The following ANO10 variants were observed in gnomAD, a reference collection of about 807,000 sequenced individuals.
ANO10 encodes the protein anoctamin-10.
Under a neutral mutation model 74.7 loss-of-function variants are expected in ANO10, and 77 were observed. The ratio of observed to expected loss-of-function variants is 1.03; its 90% CI spans 0.86 to 1.25. The LOEUF (loss-of-function observed/expected upper bound fraction) is 1.25. Among genes scored for constraint, ANO10 ranks in the 50% most tolerant of loss-of-function variants. The pLI is 0.00. For synonymous variants in ANO10, 279 were observed against 284.9 expected (o/e 0.98, Z 0.21); for missense variants, 721 against 778.1 (o/e 0.93, Z 0.87).
chr3:43,397,865 A>C (rs1490376586), intron 12 of ANO10, among the ~76,000 whole-genome samples: 3 of 152,196 alleles, frequency 2.0e-5, no homozygotes, highest in Non-Finnish European at 4.4e-5. Context: ...TCTCTCAGAG[A>C]TCACTGTCCT....
chr3:43,424,983 C>G (rs777441496), intron 12 of ANO10, among the ~76,000 whole-genome samples: 2 of 152,124 alleles, frequency 1.3e-5, no homozygotes, highest in African/African-American at 2.4e-5. Context: ...CTAGACCTGA[C>G]TTGGGGCCCC....
At chr3:43,505,223 T>C (rs1384117793) in intron 11 of ANO10, among the ~76,000 whole-genome samples, 1 of 152,212 alleles carries the variant, frequency 6.6e-6, no homozygotes, top group Non-Finnish European at 1.5e-5. Context: ...TGAAAATAAA[T>C]GTAATTAAGT....
chr3:43,437,589 TG>T (rs771313790), intron 11 of ANO10, among the ~76,000 whole-genome samples: 23 of 152,188 alleles, frequency 1.5e-4, no homozygotes, highest in Non-Finnish European at 4.4e-5. Context: ...CTTGTCAGCT[TG>T]TAGCAGCACC....
intron 1 of ANO10, among the ~76,000 whole-genome samples, chr3:43,680,197 A>G (rs2084175924): frequency 6.6e-6 from 1 of 152,236 alleles, no homozygotes; most frequent in Non-Finnish European, 1.5e-5. Context: ...AAAAAAAATT[A>G]GACGAATGGC....
Position 43,565,658 on chromosome 3 carries a change from G to A in ANO10, c.1288C>T (p.Arg430Cys), listed in dbSNP as rs200570277. 3.0e-4 allele frequency: 477 copies of A among 1,575,140 alleles called. 6 individuals carry two copies. In the South Asian group the frequency reaches 5.0e-3, roughly 16 times the overall value. The change falls in exon 8 of 13, where the codon CGC becomes TGC. Residue 430 changes from arginine to cysteine, a missense_variant. Coordinates refer to ENST00000292246, the MANE Select transcript of ANO10 (RefSeq NM_018075.5). Reference protein sequence around the residue: ...AFVLKDMKLLRQSLATLLITS... With the variant: ...AFVLKDMKLLCQSLATLLITS... ...TTTCTGTTATTTTTACTTACCTGGC[G>A]CAAAAGCTTCATATCTTTCAAGACA...
chr3:43,485,733 TGA>T (rs1346063631), intron 11 of ANO10: 3 of 217,646 alleles, frequency 1.4e-5, no homozygotes, highest in Non-Finnish European at 2.8e-5. Flanking sequence ...TGTCTTTAAC[TGA>T]GATACGAAGT....
chr3:43,543,524 G>T (rs1464684659), intron 11 of ANO10, among the ~76,000 whole-genome samples: 1 of 152,132 alleles, frequency 6.6e-6, no homozygotes, highest in Non-Finnish European at 1.5e-5. Context: ...CAGTAGCTGG[G>T]ACTACAGGCG....
At chr3:43,616,292 T>C (rs1412169658) in intron 1 of ANO10, among the ~76,000 whole-genome samples, 1 of 152,152 alleles carries the variant, frequency 6.6e-6, no homozygotes, top group Non-Finnish European at 1.5e-5. Flanking sequence ...ACACCACCGG[T>C]GTGGCAGAAG....
At chr3:43,470,632 A>ATTTATTTAT (rs2075819347) in intron 11 of ANO10, among the ~76,000 whole-genome samples, 3 of 148,466 alleles carry the variant, frequency 2.0e-5, no homozygotes, top group Non-Finnish European at 4.5e-5. Flanking sequence ...TTATTTATGT[A>ATTTATTTAT]TTTATTTATT....
chr3:43,672,727 T>TA (rs564674287), intron 1 of ANO10, among the ~76,000 whole-genome samples: 121 of 152,202 alleles, frequency 7.9e-4, no homozygotes, highest in Non-Finnish European at 1.6e-3. Context: ...TTACTTGTGT[T>TA]ATTCACTTTT....
At chr3:43,516,409 T>C (rs980773427) in intron 11 of ANO10, among the ~76,000 whole-genome samples, 11 of 152,142 alleles carry the variant, frequency 7.2e-5, no homozygotes, top group Admixed American at 7.2e-4. Flanking sequence ...GCTATGCCTA[T>C]AATACAGTAT....
At chr3:43,455,608 T>G (rs913168540) in intron 11 of ANO10, among the ~76,000 whole-genome samples, 1 of 152,152 alleles carries the variant, frequency 6.6e-6, no homozygotes, top group Non-Finnish European at 1.5e-5. Context: ...TCACAGATCC[T>G]TTCTGGGGCC....
chr3:43,581,168 A>G (rs765364238), intron 4 of ANO10, among the ~76,000 whole-genome samples: 1 of 152,304 alleles, frequency 6.6e-6, no homozygotes, highest in African/African-American at 2.4e-5. Flanking sequence ...AAATTTACCA[A>G]TCTGTCCTTC....
At chr3:43,510,379 C>T (rs537190820) in intron 11 of ANO10, among the ~76,000 whole-genome samples, 2 of 147,046 alleles carry the variant, frequency 1.4e-5, no homozygotes, top group East Asian at 2.0e-4. Flanking sequence ...TGCAGTGAGC[C>T]GAGATTGTGC....
intron 2 of ANO10, among the ~76,000 whole-genome samples, chr3:43,604,957 A>T (rs1207794756): frequency 2.6e-5 from 4 of 152,068 alleles, no homozygotes; most frequent in Admixed American, 6.6e-5. Flanking sequence ...ACTTCAGTTT[A>T]TAGTAACAGT....
At position 43,605,791 on chromosome 3, in the gene ANO10, A is replaced by G. The variant is rs1283037381; in HGVS notation, c.62T>C (p.Ile21Thr). 1.2e-6 allele frequency: 2 copies of G among 1,613,690 alleles called. No homozygotes were observed. The highest frequency in any genetic ancestry group is 1.7e-6 in the Non-Finnish European group (2 of 1,179,688). ...SESSFTPLVVIELAQDVKEET... is the reference protein window; with the variant it reads ...SESSFTPLVVTELAQDVKEET... Reference sequence around the variant, plus strand: ...TTCTTTGACATCCTGAGCAAGTTCTATGACCACCAAAGGTGTGAAAGAACT... The same window carrying G: ...TTCTTTGACATCCTGAGCAAGTTCTGTGACCACCAAAGGTGTGAAAGAACT... The change falls in exon 2 of 13, where the codon ATA becomes ACA. Residue 21 changes from isoleucine (I) to threonine (T), a missense_variant. Coordinates refer to ENST00000292246, the MANE Select transcript of ANO10 (RefSeq NM_018075.5).
intron 11 of ANO10, among the ~76,000 whole-genome samples, chr3:43,468,873 G>A (rs2075738031): frequency 6.6e-6 from 1 of 151,380 alleles, no homozygotes; most frequent in Admixed American, 6.6e-5. Context: ...ACCAAGGCTG[G>A]CTAAGTTTTT....
chr3:43,534,854 G>A (rs2078635037), intron 11 of ANO10, among the ~76,000 whole-genome samples: 1 of 152,148 alleles, frequency 6.6e-6, no homozygotes, highest in South Asian at 2.1e-4. Flanking sequence ...ACCAGTACAG[G>A]TCAAAGCACT....
At chr3:43,684,846 C>T (rs2084253358) in intron 1 of ANO10, among the ~76,000 whole-genome samples, 1 of 152,270 alleles carries the variant, frequency 6.6e-6, no homozygotes, top group Admixed American at 6.5e-5. Context: ...AAACCAAACA[C>T]CGCATGTTCT....
Sources: gnomAD v4.1 joint callset for allele counts (sites outside exome capture counted in the v4.1 genomes callset) on GRCh38, gnomAD v4.1.1 for gene constraint, MANE v1.5 for transcripts, NCBI Gene and HGNC (gene_info 2026-07-23, HGNC 2026-07-21) for gene names.